Variants in INPP4B observed in about 807,000 individuals in gnomAD.
INPP4B encodes inositol polyphosphate-4-phosphatase type II B, also known as inositol polyphosphate 4-phosphatase type II.
A neutral mutation model predicts 122.5 loss-of-function variants in INPP4B; 55 were observed. The ratio of observed to expected loss-of-function variants is 0.45; its 90% CI spans 0.36 to 0.56. INPP4B has a LOEUF of 0.56. Ranked by LOEUF, INPP4B falls within the 20% of genes least tolerant of loss-of-function variation. INPP4B has a pLI of 0.00. For synonymous variants in INPP4B, 403 were observed against 388.7 expected (o/e 1.04, Z -0.43); for missense variants, 1,000 against 1,097.7 (o/e 0.91, Z 1.26).
At chr4:142,698,568 T>C (rs1031104) in intron 2 of INPP4B, among the ~76,000 whole-genome samples, 97,700 of 152,008 alleles carry the variant, frequency 0.64, 32,375 homozygotes, top group East Asian at 0.81. Flanking sequence ...CCATTCTGTG[T>C]CCAACAATCT....
chr4:142,424,527 AC>A (rs1807613879), intron 5 of INPP4B, among the ~76,000 whole-genome samples: 1 of 152,116 alleles, frequency 6.6e-6, no homozygotes, highest in African/African-American at 2.4e-5. Context: ...GTTATCTTGC[AC>A]ACACAGACAC....
chr4:142,127,712 T>A (rs914872036), intron 18 of INPP4B, among the ~76,000 whole-genome samples: 9 of 152,184 alleles, frequency 5.9e-5, no homozygotes, highest in Non-Finnish European at 8.8e-5. Flanking sequence ...GTGAGCAAGG[T>A]AATATGTCTT....
At position 142,312,125 on chromosome 4, in the gene INPP4B, C is replaced by T. The variant is rs576522132; in HGVS notation, c.423+2587G>A. On this transcript the variant is annotated intron_variant, in intron 8 of 25. Transcript: ENST00000262992. ...TCTCTTTTAGTCCAGGAATTATAGC[C>T]GAGTTTTTTCAAAGATGAAGACGCA... is the stretch of plus-strand genomic sequence containing the variant. Among the ~76,000 whole-genome samples the T allele has an allele frequency of 4.6e-5, 7 of 152,192 alleles. No individual in the cohort carries two copies. In the South Asian group the frequency reaches 1.5e-3, roughly 32 times the overall value.
chr4:142,086,273 A>G lies in INPP4B; in HGVS notation c.2375-17T>C, dbSNP rs779619162. The G allele has an allele frequency of 3.1e-6, 4 of 1,295,976 alleles. No individual in the cohort carries two copies. The highest frequency in any genetic ancestry group is 4.5e-6 in the Non-Finnish European group (4 of 893,008). 80.3% of individuals were successfully genotyped at this position (1,295,976 alleles called of 1,614,324 possible). On this transcript the variant is annotated splice_polypyrimidine_tract_variant and intron_variant, in intron 23 of 25. Coordinates refer to ENST00000262992, the MANE Select transcript of INPP4B (RefSeq NM_001101669.3). ...GTGAAATATCTGAAGGGGAAAAAAC[A>G]AAGGAGAAAAATAAAATGAGACAGT...
intron 23 of INPP4B, among the ~76,000 whole-genome samples, chr4:142,086,811 C>T (rs542158967): frequency 6.6e-6 from 1 of 152,302 alleles, no homozygotes; most frequent in South Asian, 2.1e-4. Flanking sequence ...AGTGGTCCTA[C>T]AGTACTATTT....
Position 142,548,276 on chromosome 4 carries a change from T to G in INPP4B, c.-190-85550A>C, listed in dbSNP as rs572540142. On this transcript the variant is annotated intron_variant, in intron 2 of 25. Coordinates refer to ENST00000262992, the MANE Select transcript of INPP4B (RefSeq NM_001101669.3). ...AGAGTCACAGACTCAATGGCTAATG[T>G]GTAGAAACTGCAAGTAGTGACCTGA... Among the ~76,000 whole-genome samples, 82 of 152,278 alleles carry G rather than the reference T, an allele frequency of 5.4e-4. 1 individual carries two copies. Among genetic ancestry groups the G allele is most frequent in the African/African-American group, 1.9e-3 (80 of 41,560 alleles).
intron 7 of INPP4B, among the ~76,000 whole-genome samples, chr4:142,330,147 A>G (rs1192990783): frequency 6.6e-6 from 1 of 152,202 alleles, no homozygotes; most frequent in East Asian, 1.9e-4. Context: ...ACTTATCTGC[A>G]TTTGAATCAT....
At chr4:142,689,319 A>G (rs1759819138) in intron 2 of INPP4B, among the ~76,000 whole-genome samples, 1 of 152,160 alleles carries the variant, frequency 6.6e-6, no homozygotes. Context: ...TATCTCCACT[A>G]CAAAGAAACA....
intron 1 of INPP4B, among the ~76,000 whole-genome samples, chr4:142,795,957 C>A (rs1445758469): frequency 1.3e-5 from 2 of 151,974 alleles, no homozygotes; most frequent in Non-Finnish European, 2.9e-5. Context: ...AATTTAATCA[C>A]TATTTCCAAT....
At chr4:142,308,922 C>T (rs544686622) in intron 8 of INPP4B, among the ~76,000 whole-genome samples, 1 of 152,108 alleles carries the variant, frequency 6.6e-6, no homozygotes, top group Non-Finnish European at 1.5e-5. Flanking sequence ...TTACTTCTTC[C>T]GGCCCCCAGG....
intron 12 of INPP4B, among the ~76,000 whole-genome samples, chr4:142,214,156 A>G (rs544990551): frequency 3.3e-5 from 5 of 152,318 alleles, no homozygotes; most frequent in African/African-American, 1.2e-4. Flanking sequence ...GTGTCCCATC[A>G]TCAAGGGTTC....
intron 12 of INPP4B, among the ~76,000 whole-genome samples, chr4:142,234,358 G>T (rs934770731): frequency 4.6e-5 from 7 of 152,106 alleles, no homozygotes; most frequent in African/African-American, 1.7e-4. Context: ...TGTGGCCACT[G>T]CATTTTAAAA....
chr4:142,793,134 C>T (rs1426122230), intron 1 of INPP4B, among the ~76,000 whole-genome samples: 1 of 151,956 alleles, frequency 6.6e-6, no homozygotes, highest in African/African-American at 2.4e-5. Flanking sequence ...TTGTTTAATC[C>T]CCAAGATAAA....
intron 25 of INPP4B, among the ~76,000 whole-genome samples, chr4:142,044,774 A>G (rs1312920636): frequency 2.0e-5 from 3 of 152,166 alleles, no homozygotes; most frequent in Admixed American, 1.3e-4. Context: ...GTTTCTCAGG[A>G]GAACAAAAGT....
chr4:142,769,866 A>T (rs1384534106), intron 1 of INPP4B, among the ~76,000 whole-genome samples: 1 of 152,168 alleles, frequency 6.6e-6, no homozygotes, highest in Non-Finnish European at 1.5e-5. Flanking sequence ...GTGAGCTGAG[A>T]TCCCACCACT....
intron 2 of INPP4B, among the ~76,000 whole-genome samples, chr4:142,590,000 A>G (rs1468729129): frequency 2.0e-5 from 3 of 152,150 alleles, no homozygotes; most frequent in Non-Finnish European, 2.9e-5. Context: ...TTAAGTACAT[A>G]TTATTAAGTG....
intron 7 of INPP4B, among the ~76,000 whole-genome samples, chr4:142,326,491 C>T (rs1290271404): frequency 1.3e-5 from 2 of 152,180 alleles, no homozygotes; most frequent in Admixed American, 1.3e-4. Flanking sequence ...ACATATGAAA[C>T]ACACGTAGAG....
intron 17 of INPP4B, among the ~76,000 whole-genome samples, chr4:142,150,009 A>G (rs1023657425): frequency 1.3e-5 from 2 of 152,218 alleles, no homozygotes; most frequent in Non-Finnish European, 2.9e-5. Flanking sequence ...AAAGGGAAGC[A>G]TTGAATATCT....
At chr4:142,759,317 T>G (rs1469283045) in intron 1 of INPP4B, among the ~76,000 whole-genome samples, 1 of 152,144 alleles carries the variant, frequency 6.6e-6, no homozygotes, top group Non-Finnish European at 1.5e-5. Flanking sequence ...CAACCTTAGT[T>G]TCCTTCCAAG....
Sources: gnomAD v4.1 joint callset for allele counts (sites outside exome capture counted in the v4.1 genomes callset) on GRCh38, gnomAD v4.1.1 for gene constraint, MANE v1.5 for transcripts, NCBI Gene and HGNC (gene_info 2026-07-23, HGNC 2026-07-21) for gene names.